The following ZNF831 variants were observed in gnomAD, a reference collection of about 807,000 sequenced individuals.
ZNF831 encodes zinc finger protein 831.
In ZNF831, 59 loss-of-function variants were observed where a neutral mutation model predicts 95.8. The observed-to-expected ratio is 0.62, with a 90% confidence interval of 0.50 to 0.77. The LOEUF (loss-of-function observed/expected upper bound fraction) is 0.77. Ranked by LOEUF, ZNF831 falls within the 30% of genes least tolerant of loss-of-function variation. The pLI is 0.00. For missense variants in ZNF831, 2,205 were observed against 2,164.0 expected (o/e 1.02, Z -0.38); for synonymous variants, 961 against 925.5 (o/e 1.04, Z -0.70).
intron 4 of ZNF831, among the ~76,000 whole-genome samples, chr20:59,226,532 C>T (rs1040631902): frequency 1.2e-4 from 18 of 151,982 alleles, no homozygotes; most frequent in Admixed American, 4.6e-4. Flanking sequence ...AGCTCTTTCT[C>T]GTTCATGCCC....
At chr20:59,234,985 C>T (rs978391731) in intron 4 of ZNF831, among the ~76,000 whole-genome samples, 1 of 152,162 alleles carries the variant, frequency 6.6e-6, no homozygotes, top group African/African-American at 2.4e-5. Context: ...CTAATGCCCT[C>T]TTCTTGCCAT....
chr20:59,249,211 A>G (rs1024420013), intron 4 of ZNF831, among the ~76,000 whole-genome samples: 29 of 152,122 alleles, frequency 1.9e-4, no homozygotes, highest in African/African-American at 6.3e-4. Context: ...CCTTGACTAT[A>G]TAAAACAGTC....
chr20:59,127,208 G>A (rs955032849), intron 1 of ZNF831, among the ~76,000 whole-genome samples: 2 of 152,240 alleles, frequency 1.3e-5, no homozygotes, highest in Non-Finnish European at 2.9e-5. Flanking sequence ...AGCATAGTCT[G>A]AATCTGGCCA....
In ZNF831 at chr20:59,192,082, C is replaced by T. The variant is rs1288071352; in HGVS notation, c.1063C>T (p.Gln355Ter). ...GYLSRSDSAEQPHAPCSPLHS... is the reference protein window; with the variant it reads ...GYLSRSDSAE ...CCTGTCGCGCTCCGACAGCGCGGAG[C>T]AGCCGCATGCGCCCTGCAGCCCCCT... is the stretch of plus-strand genomic sequence containing the variant. Residue 355 changes from glutamine (Q) to a stop codon, truncating the protein, a stop_gained, in exon 2 of 6, where the codon CAG (glutamine) becomes TAG (stop). Coordinates refer to ENST00000371030, the MANE Select transcript of ZNF831 (RefSeq NM_178457.3). LOFTEE classifies it high-confidence loss of function. This position sits in a 1 kb window ranked among gnomAD's most constrained non-coding sequence, Gnocchi z 5.2. 1 of 1,603,050 alleles carries T rather than the reference C, an allele frequency of 6.2e-7. No individual in the cohort carries two copies. The highest frequency in any genetic ancestry group is 8.5e-7 in the Non-Finnish European group (1 of 1,177,812).
chr20:59,175,930 T>C (rs189111221), intron 1 of ZNF831, among the ~76,000 whole-genome samples: 56 of 152,326 alleles, frequency 3.7e-4, no homozygotes, highest in African/African-American at 1.2e-3. Context: ...TGAGTGGAAG[T>C]TGAGGTTCCC....
chr20:59,247,366 G>A (rs993542981), intron 4 of ZNF831, among the ~76,000 whole-genome samples: 2 of 152,070 alleles, frequency 1.3e-5, no homozygotes, highest in African/African-American at 4.8e-5. Flanking sequence ...TTTCTCCCCC[G>A]TTGAACTATA....
At chr20:59,211,065 A>AAAAAAAC (rs753979009) in intron 4 of ZNF831, among the ~76,000 whole-genome samples, 1 of 77,548 alleles carries the variant, frequency 1.3e-5, no homozygotes, top group African/African-American at 8.0e-5. Context: ...AAAAAAAAAA[A>AAAAAAAC]CAAATCCAAG....
rs764020504 is a variant in ZNF831, at chr20:59,192,895, G to A, written c.1876G>A (p.Glu626Lys). The A allele has an allele frequency of 6.3e-7, 1 of 1,596,576 alleles. No homozygotes were observed. The highest frequency in any genetic ancestry group is 1.7e-5 in the Admixed American group (1 of 58,158). The change falls in exon 2 of 6, where the codon GAG (glutamate) becomes AAG (lysine). Residue 626 changes from glutamate to lysine, a missense_variant. By Grantham distance (56) the Glu-to-Lys change is moderately conservative (BLOSUM62 1). Transcript: ENST00000371030. This position sits in a 1 kb window ranked among gnomAD's most constrained non-coding sequence, Gnocchi z 5.2. ...GGAGAAGTGGCAGGTGTACGGGGAT[G>A]AGACGTTCAAAAGGATCTACCAGAA... ...SQEKWQVYGD[E>K]TFKRIYQKMK...
At chr20:59,190,180 T>G (rs1020400647) in intron 1 of ZNF831, among the ~76,000 whole-genome samples, 30 of 152,344 alleles carry the variant, frequency 2.0e-4, no homozygotes, top group African/African-American at 7.2e-4. Flanking sequence ...GTCTTGAGGC[T>G]GAGGAAGTGC....
At chr20:59,171,774 C>T (rs1271108812) in intron 1 of ZNF831, among the ~76,000 whole-genome samples, 2 of 152,176 alleles carry the variant, frequency 1.3e-5, no homozygotes, top group African/African-American at 4.8e-5. Context: ...CTCCAGTCCT[C>T]GTTTATATAA....
At position 59,257,703 on chromosome 20, in the gene ZNF831, C is replaced by A. The variant is rs1988247794; in HGVS notation, c.*2960C>A. ...TAAAGATCAGGGATTTCCTTCTTTC[C>A]CCAGTGCTAATTTTCCCAGTGTTAA... is the stretch of plus-strand genomic sequence containing the variant. On this transcript the variant is annotated 3_prime_UTR_variant, in exon 6 of 6. Transcript: ENST00000371030. 1 of 152,182 alleles carries A rather than the reference C, an allele frequency of 6.6e-6. No homozygotes were observed. The highest frequency in any genetic ancestry group is 2.1e-4 in the South Asian group (1 of 4,810). 9.4% of individuals were successfully genotyped at this position (152,182 alleles called of 1,614,324 possible). A position where few individuals can be genotyped will look rare whatever the true frequency, so the allele number is the denominator to read the frequency against.
chr20:59,251,365 A>T (rs1432196293), intron 4 of ZNF831, among the ~76,000 whole-genome samples: 1 of 152,202 alleles, frequency 6.6e-6, no homozygotes, highest in African/African-American at 2.4e-5. Context: ...ATGAATCATA[A>T]ATCATATTGT....
At chr20:59,168,997 T>C (rs952204714) in intron 1 of ZNF831, among the ~76,000 whole-genome samples, 3 of 152,200 alleles carry the variant, frequency 2.0e-5, no homozygotes, top group Admixed American at 2.0e-4. Flanking sequence ...ATGAGGGATA[T>C]TCGTCTGTAG....
intron 1 of ZNF831, among the ~76,000 whole-genome samples, chr20:59,141,002 C>G (rs1979660807): frequency 6.6e-6 from 1 of 152,146 alleles, no homozygotes; most frequent in Non-Finnish European, 1.5e-5. Context: ...CAGGTTCAAG[C>G]AATTCTTCTG....
chr20:59,154,179 A>G (rs1183164117), intron 2 of ZNF831, among the ~76,000 whole-genome samples: 1 of 152,214 alleles, frequency 6.6e-6, no homozygotes, highest in Non-Finnish European at 1.5e-5. Flanking sequence ...GAGGTTTGGC[A>G]GTGGGGAGAT....
chr20:59,191,320 G>T lies in ZNF831; in HGVS notation c.301G>T (p.Gly101Cys). 1 of 1,600,278 alleles carries T rather than the reference G, an allele frequency of 6.2e-7. No individual in the cohort carries two copies. Among genetic ancestry groups the T allele is most frequent in the Non-Finnish European group, 8.5e-7 (1 of 1,173,530 alleles). Reference protein sequence around the residue: ...LSPVLQPEGPGPTQVGKPAAP... With the variant: ...LSPVLQPEGPCPTQVGKPAAP... ...CCCTGTGCTGCAGCCTGAAGGGCCT[G>T]GCCCCACCCAGGTGGGGAAGCCGGC... The change falls in exon 2 of 6, where the codon GGC becomes TGC. Residue 101 changes from glycine to cysteine, a missense_variant. Transcript: ENST00000371030.
intron 2 of ZNF831, among the ~76,000 whole-genome samples, chr20:59,155,922 G>T (rs1164405747): frequency 1.3e-5 from 2 of 152,088 alleles, no homozygotes; most frequent in Non-Finnish European, 2.9e-5. Flanking sequence ...GGTACATGAT[G>T]AGTTGTGTGC....
In ZNF831 at chr20:59,196,648, TCTC is replaced by T. The variant is rs571790459; in HGVS notation, c.3875+650_3875+652del. Among the ~76,000 whole-genome samples the T allele has an allele frequency of 2.6e-3, 403 of 152,262 alleles. 5 individuals are homozygous for T. The highest frequency in any genetic ancestry group is 9.2e-3 in the African/African-American group (384 of 41,528). ...CTTTCTACCCTCATTTTCCCTGTGATCTCCTCCTCTCCTGCTCGCCCTCCACCC... is the reference window on the plus strand; with the variant it reads ...CTTTCTACCCTCATTTTCCCTGTGATCTCCTCTCCTGCTCGCCCTCCACCC... On this transcript the variant is annotated intron_variant, in intron 3 of 5. Coordinates refer to ENST00000371030, the MANE Select transcript of ZNF831 (RefSeq NM_178457.3).
intron 4 of ZNF831, among the ~76,000 whole-genome samples, chr20:59,251,325 G>A (rs1235001298): frequency 1.3e-5 from 2 of 152,080 alleles, no homozygotes; most frequent in Non-Finnish European, 2.9e-5. Context: ...TCCAGAGAAC[G>A]ACATACAAAA....
Sources: gnomAD v4.1 joint callset for allele counts (sites outside exome capture counted in the v4.1 genomes callset) on GRCh38, gnomAD v4.1.1 for gene constraint, Gnocchi (gnomAD v3.1) non-coding constraint, MANE v1.5 for transcripts, NCBI Gene and HGNC (gene_info 2026-07-23, HGNC 2026-07-21) for gene names.